The following MALRD1 variants were observed in gnomAD, a reference collection of about 807,000 sequenced individuals.
MALRD1 encodes the protein MAM and LDL-receptor class A domain-containing protein 1.
A neutral mutation model predicts 242.1 loss-of-function variants in MALRD1; 247 were observed. The ratio of observed to expected loss-of-function variants is 1.02; its 90% confidence interval spans 0.92 to 1.13. MALRD1 has a LOEUF of 1.13. MALRD1 is among the 50% of genes most tolerant of loss of function. MALRD1 has a pLI of 0.00. For synonymous variants in MALRD1, 995 were observed against 866.6 expected (o/e 1.15, Z -2.60); for missense variants, 2,989 against 2,533.1 (o/e 1.18, Z -3.86).
chr10:19,198,816 C>A (rs1428397479), intron 14 of MALRD1, among the ~76,000 whole-genome samples: 1 of 152,138 alleles, frequency 6.6e-6, no homozygotes, highest in Admixed American at 6.5e-5. Context: ...ATATAGACAG[C>A]TTTAAAATAA....
At chr10:19,330,848 A>T (rs1588921188) in intron 23 of MALRD1, among the ~76,000 whole-genome samples, 1 of 150,364 alleles carries the variant, frequency 6.7e-6, no homozygotes, top group African/African-American at 2.5e-5. Context: ...AATTCCAAAG[A>T]TGTGTACAAT....
intron 31 of MALRD1, among the ~76,000 whole-genome samples, chr10:19,514,105 C>T (rs1833525501): frequency 6.6e-6 from 1 of 152,144 alleles, no homozygotes; most frequent in African/African-American, 2.4e-5. Flanking sequence ...AAACAATGAA[C>T]TATCTACAGA....
chr10:19,727,493 G>A (rs1325374659), intron 38 of MALRD1, among the ~76,000 whole-genome samples: 1 of 152,098 alleles, frequency 6.6e-6, no homozygotes, highest in Non-Finnish European at 1.5e-5. Flanking sequence ...CATTCAGAAT[G>A]CCACTTCGCA....
intron 11 of MALRD1, among the ~76,000 whole-genome samples, chr10:19,150,261 T>C (rs2358339): frequency 6.6e-6 from 1 of 151,964 alleles, no homozygotes; most frequent in African/African-American, 2.4e-5. Flanking sequence ...TGGTTGGTGA[T>C]AGAACTCTAC....
chr10:19,658,793 A>G (rs1301346352), intron 36 of MALRD1, among the ~76,000 whole-genome samples: 1 of 151,954 alleles, frequency 6.6e-6, no homozygotes, highest in African/African-American at 2.4e-5. Context: ...TTTCTTTTCC[A>G]CTGTACCATT....
chr10:19,637,724 T>A (rs1267916555), intron 36 of MALRD1, among the ~76,000 whole-genome samples: 2 of 152,286 alleles, frequency 1.3e-5, no homozygotes, highest in South Asian at 4.1e-4. Context: ...TGAAAGTACA[T>A]GTAGTTCCCA....
At chr10:19,603,773 C>T (rs184358026) in intron 34 of MALRD1, among the ~76,000 whole-genome samples, 111 of 152,246 alleles carry the variant, frequency 7.3e-4, no homozygotes, top group African/African-American at 2.6e-3. Context: ...TTCTTCATGA[C>T]TATCATGTCT....
At chr10:19,730,897 G>T (rs1835269439) in intron 39 of MALRD1, 116 bp downstream of exon 39, 1 of 967,558 alleles carries the variant, frequency 1.0e-6, no homozygotes, top group African/African-American at 1.7e-5. Context: ...ATAACTAAAA[G>T]AAATGTTTTA....
chr10:19,286,826 C>G (rs1217118647), intron 21 of MALRD1, among the ~76,000 whole-genome samples: 2 of 150,992 alleles, frequency 1.3e-5, no homozygotes, highest in East Asian at 3.9e-4. Flanking sequence ...TTTATGAGGC[C>G]AGCATCATTC....
At chr10:19,051,845 C>G (rs1226004359) in intron 1 of MALRD1, 1 of 163,958 alleles carries the variant, frequency 6.1e-6, no homozygotes, top group African/African-American at 2.5e-5. Flanking sequence ...TGGTGTGAAC[C>G]CGGGATGCGG....
chr10:19,055,026 A>G (rs1439103977), intron 1 of MALRD1, among the ~76,000 whole-genome samples: 3 of 152,182 alleles, frequency 2.0e-5, no homozygotes, highest in Non-Finnish European at 2.9e-5. Context: ...ACAATGTACA[A>G]GAGATCCCTT....
At chr10:19,454,410 A>G (rs1362802646) in intron 29 of MALRD1, among the ~76,000 whole-genome samples, 1 of 131,704 alleles carries the variant, frequency 7.6e-6, no homozygotes, top group South Asian at 2.3e-4. Flanking sequence ...CATATGATAT[A>G]TATATATATA....
intron 28 of MALRD1, among the ~76,000 whole-genome samples, chr10:19,423,703 C>T (rs1012616503): frequency 5.3e-5 from 8 of 152,122 alleles, no homozygotes; most frequent in African/African-American, 1.9e-4. Context: ...GGGATTGAGT[C>T]CCTAGGAGGG....
In MALRD1 at chr10:19,444,174, C is replaced by A. The variant is rs559599722; in HGVS notation, c.4846-6133C>A. On this transcript the variant is annotated intron_variant, in intron 28 of 39. Coordinates refer to ENST00000454679, the MANE Select transcript of MALRD1 (RefSeq NM_001142308.3). ...TCCATTTGCTTGGTAGATCTTCCTC[C>A]ATCCCTTTATTTTGAGCCTATGTGT... Among the ~76,000 whole-genome samples the A allele has an allele frequency of 3.9e-5, 6 of 152,208 alleles. No individual in the cohort carries two copies. The South Asian group carries it at 1.2e-3, about 32-fold the overall frequency.
At chr10:19,331,932 C>T (rs35117531) in intron 24 of MALRD1, among the ~76,000 whole-genome samples, 25 of 151,996 alleles carry the variant, frequency 1.6e-4, no homozygotes, top group Non-Finnish European at 2.6e-4. Context: ...GTGGCGTGAT[C>T]TCGGTTCACT....
chr10:19,308,354 GT>G (rs1842306192), intron 21 of MALRD1, among the ~76,000 whole-genome samples: 1 of 151,400 alleles, frequency 6.6e-6, no homozygotes, highest in African/African-American at 2.4e-5. Flanking sequence ...CTCCTCCTAT[GT>G]AAACTATATG....
chr10:19,380,287 T>C (rs1031176189), intron 26 of MALRD1, among the ~76,000 whole-genome samples: 65 of 151,534 alleles, frequency 4.3e-4, no homozygotes, highest in African/African-American at 1.5e-3. Context: ...CTTTTTTTTT[T>C]TTTTTGATTG....
At chr10:19,345,045 G>A (rs191098809) in intron 24 of MALRD1, among the ~76,000 whole-genome samples, 3 of 152,132 alleles carry the variant, frequency 2.0e-5, no homozygotes, top group Admixed American at 1.3e-4. Context: ...TTATTACCTG[G>A]TGCCTATAGG....
At chr10:19,684,580 A>T (rs1842498009) in intron 36 of MALRD1, among the ~76,000 whole-genome samples, 1 of 151,888 alleles carries the variant, frequency 6.6e-6, no homozygotes, top group Admixed American at 6.6e-5. Context: ...ACATGGCGAA[A>T]CCCCGTCTCT....
Sources: allele counts gnomAD v4.1 joint callset (sites outside exome capture counted in the v4.1 genomes callset), GRCh38; gene constraint gnomAD v4.1.1; transcripts MANE v1.5; gene names NCBI Gene and HGNC (gene_info 2026-07-23, HGNC 2026-07-21).